Variants in MYO1B observed in about 807,000 individuals in gnomAD.
MYO1B encodes unconventional myosin-Ib.
In MYO1B, 72 loss-of-function variants were observed where a neutral mutation model predicts 159.7. That is an observed-to-expected ratio of 0.45 (90% CI 0.37 to 0.55). MYO1B has a LOEUF of 0.55. Ranked by LOEUF, MYO1B falls within the 20% of genes least tolerant of loss-of-function variation. MYO1B has a pLI of 0.00. For synonymous variants in MYO1B, 468 were observed against 473.8 expected (o/e 0.99, Z 0.16); for missense variants, 1,062 against 1,364.8 (o/e 0.78, Z 3.50).
intron 3 of MYO1B, among the ~76,000 whole-genome samples, chr2:191,313,605 C>T (rs1430173863): frequency 2.6e-5 from 4 of 152,130 alleles, no homozygotes; most frequent in East Asian, 3.9e-4. Context: ...AGGATGGTCT[C>T]GATCTCCTGA....
chr2:191,341,397 C>A, intron 4 of MYO1B, 64 bp from the exon 5 acceptor site: 1 of 1,387,230 alleles, frequency 7.2e-7, no homozygotes, highest in Non-Finnish European at 1.0e-6. Context: ...CACATTTCCT[C>A]CTCCCCAAAA....
intron 7 of MYO1B, among the ~76,000 whole-genome samples, chr2:191,353,680 T>C (rs553381441): frequency 1.4e-4 from 21 of 152,312 alleles, no homozygotes; most frequent in Middle Eastern, 3.4e-3. Context: ...GTTTCCAGTG[T>C]CTAAACAAAA....
At chr2:191,412,011 T>C (rs1205825255) in intron 27 of MYO1B, among the ~76,000 whole-genome samples, 2 of 152,282 alleles carry the variant, frequency 1.3e-5, no homozygotes, top group Non-Finnish European at 2.9e-5. Flanking sequence ...TTATATTCTC[T>C]GTGACTTTAT....
chr2:191,355,847 A>T, intron 7 of MYO1B, among the ~76,000 whole-genome samples: 1 of 152,150 alleles, frequency 6.6e-6, no homozygotes, highest in Non-Finnish European at 1.5e-5. Context: ...GGAAATGGCC[A>T]CCCTCCTCAC....
At chr2:191,395,689 G>T (rs2126114131) in intron 20 of MYO1B, among the ~76,000 whole-genome samples, 1 of 152,344 alleles carries the variant, frequency 6.6e-6, no homozygotes, top group Non-Finnish European at 1.5e-5. Context: ...TTGAGCCAGA[G>T]CTGGGAGCCT....
chr2:191,283,848 T>C (rs1345301264), intron 2 of MYO1B, among the ~76,000 whole-genome samples: 1 of 152,244 alleles, frequency 6.6e-6, no homozygotes, highest in Admixed American at 6.5e-5. Context: ...TGTGTAGGTT[T>C]GGAATGAGGC....
At chr2:191,377,140 T>C (rs1694760110) in intron 13 of MYO1B, among the ~76,000 whole-genome samples, 1 of 152,138 alleles carries the variant, frequency 6.6e-6, no homozygotes, top group African/African-American at 2.4e-5. Flanking sequence ...CTTCTAAACA[T>C]AGTAAGTGCT....
intron 3 of MYO1B, among the ~76,000 whole-genome samples, chr2:191,321,936 C>T (rs1416762825): frequency 6.6e-6 from 1 of 152,088 alleles, no homozygotes; most frequent in Non-Finnish European, 1.5e-5. Flanking sequence ...CCATGAAATC[C>T]TTTGGGAGCC....
intron 1 of MYO1B, among the ~76,000 whole-genome samples, chr2:191,259,024 A>G (rs1686636207): frequency 6.6e-6 from 1 of 152,194 alleles, no homozygotes; most frequent in African/African-American, 2.4e-5. Flanking sequence ...GCCAGGCTGG[A>G]CATTAGATAC....
At chr2:191,402,553 T>C in intron 23 of MYO1B, 79 bp from the exon 24 acceptor site, 1 of 1,210,222 alleles carries the variant, frequency 8.3e-7, no homozygotes, top group Non-Finnish European at 1.2e-6. Context: ...GCTCTTCTGT[T>C]TGGTGGGATA....
intron 5 of MYO1B, among the ~76,000 whole-genome samples, chr2:191,345,150 C>T (rs1383811205): frequency 6.6e-6 from 1 of 152,154 alleles, no homozygotes; most frequent in Admixed American, 6.6e-5. Context: ...TGCCGTGTGG[C>T]CCCTGGATCC....
intron 26 of MYO1B, among the ~76,000 whole-genome samples, chr2:191,410,629 T>C (rs527973767): frequency 1.6e-4 from 25 of 152,216 alleles, no homozygotes; most frequent in Non-Finnish European, 2.9e-4. Flanking sequence ...GTGTACAATA[T>C]ATAGAAAGGA....
chr2:191,262,865 T>A (rs2125695832), intron 1 of MYO1B: 1 of 152,356 alleles, frequency 6.6e-6, no homozygotes, highest in South Asian at 2.1e-4. Context: ...TCAGCTATCC[T>A]TCTGTGATTC....
At chr2:191,418,638 C>T (rs1209291354) in intron 30 of MYO1B, among the ~76,000 whole-genome samples, 1 of 151,900 alleles carries the variant, frequency 6.6e-6, no homozygotes, top group Non-Finnish European at 1.5e-5. Flanking sequence ...TACAGGCATG[C>T]ACCACCACGC....
intron 30 of MYO1B, among the ~76,000 whole-genome samples, chr2:191,419,089 T>C (rs111426226): frequency 6.6e-6 from 1 of 152,274 alleles, no homozygotes; most frequent in African/African-American, 2.4e-5. Flanking sequence ...ACTCACATGT[T>C]TGTGCTGCTG....
intron 7 of MYO1B, among the ~76,000 whole-genome samples, chr2:191,351,956 T>C (rs1692953691): frequency 6.6e-6 from 1 of 152,240 alleles, no homozygotes; most frequent in Non-Finnish European, 1.5e-5. Flanking sequence ...TGCCATGTGT[T>C]CGGATTGTCC....
At chr2:191,254,572 C>T (rs4853461) in intron 1 of MYO1B, among the ~76,000 whole-genome samples, 80,280 of 151,692 alleles carry the variant, frequency 0.53, 25,372 homozygotes, top group Non-Finnish European at 0.68. Context: ...ATGGCATGAT[C>T]GTAGCTCGGT....
rs545809743 is a variant in MYO1B, at chr2:191,292,660, C to T, written c.136-3451C>T. 5.3e-5 allele frequency among the ~76,000 whole-genome samples: 8 copies of T among 150,008 alleles called. No individual in the cohort carries two copies. In the South Asian group the frequency reaches 1.0e-3, roughly 19 times the overall value. Reference sequence around the variant, plus strand: ...GAGGTATAATGAGGCATGTTCGACCCCCACTTCCCATCATGGCCTGAACCA... The same window carrying T: ...GAGGTATAATGAGGCATGTTCGACCTCCACTTCCCATCATGGCCTGAACCA... On this transcript the variant is annotated intron_variant, in intron 2 of 30. Coordinates refer to ENST00000392318, the MANE Select transcript of MYO1B (RefSeq NM_001130158.3).
intron 18 of MYO1B, among the ~76,000 whole-genome samples, chr2:191,391,775 C>G (rs183568633): frequency 6.0e-4 from 92 of 152,290 alleles, no homozygotes; most frequent in African/African-American, 2.1e-3. Flanking sequence ...TAAAATAGAT[C>G]TGAATTTCTT....
Sources: allele counts gnomAD v4.1 joint callset (sites outside exome capture counted in the v4.1 genomes callset), GRCh38; gene constraint gnomAD v4.1.1; transcripts MANE v1.5; gene names NCBI Gene and HGNC (gene_info 2026-07-23, HGNC 2026-07-21).